WWC2: variants seen among roughly 807,000 people sequenced by gnomAD.
WWC2 encodes WW and C2 domain containing 2, also known as protein WWC2.
A neutral mutation model predicts 138.5 loss-of-function variants in WWC2; 101 were observed. The observed-to-expected ratio is 0.73, with a 90% confidence interval of 0.62 to 0.86. The LOEUF (loss-of-function observed/expected upper bound fraction) is 0.86, where lower values mean the gene tolerates loss of function less well. WWC2 is among the 40% of genes least tolerant of loss of function. The pLI, the probability that WWC2 is intolerant of heterozygous loss-of-function variation, is 0.00. For missense variants in WWC2, 1,420 were observed against 1,419.4 expected (o/e 1.00, Z -0.01); for synonymous variants, 558 against 538.4 (o/e 1.04, Z -0.50).
intron 4 of WWC2, among the ~76,000 whole-genome samples, chr4:183,228,414 C>G (rs1028332139): frequency 2.5e-4 from 38 of 151,904 alleles, no homozygotes; most frequent in African/African-American, 9.2e-4. Flanking sequence ...GGTTGACAAG[C>G]TTTATTTAAT....
At chr4:183,289,090 G>A (rs1738348117) in intron 20 of WWC2, among the ~76,000 whole-genome samples, 1 of 152,262 alleles carries the variant, frequency 6.6e-6, no homozygotes, top group Non-Finnish European at 1.5e-5. Flanking sequence ...AGGAGGTCCT[G>A]CTCCATGTTG....
intron 1 of WWC2, among the ~76,000 whole-genome samples, chr4:183,190,996 C>G (rs923941280): frequency 2.0e-5 from 3 of 152,038 alleles, no homozygotes; most frequent in African/African-American, 7.2e-5. Context: ...TTTTCTCCTT[C>G]TTCATTTCTT....
At chr4:183,145,235 A>G (rs1228153857) in intron 1 of WWC2, among the ~76,000 whole-genome samples, 3 of 152,216 alleles carry the variant, frequency 2.0e-5, no homozygotes, top group African/African-American at 7.2e-5. Context: ...CATTTGTAAC[A>G]TTTAGAATAA....
chr4:183,165,548 G>C (rs1320160275), intron 1 of WWC2, among the ~76,000 whole-genome samples: 1 of 152,094 alleles, frequency 6.6e-6, no homozygotes. Flanking sequence ...TTAAGGAATG[G>C]GTGTGGAAGG....
intron 1 of WWC2, among the ~76,000 whole-genome samples, chr4:183,104,862 G>T (rs1579939363): frequency 6.6e-6 from 1 of 152,118 alleles, no homozygotes; most frequent in Non-Finnish European, 1.5e-5. Flanking sequence ...GTGTAATTTT[G>T]TTGGAAGACT....
At position 183,269,115 on chromosome 4, in the gene WWC2, G is replaced by A. The variant is rs767581753; in HGVS notation, c.2352G>A (p.Leu784=). 3.7e-5 allele frequency: 59 copies of A among 1,613,760 alleles called. 2 individuals carry two copies. In the South Asian group the frequency reaches 6.0e-4, roughly 17 times the overall value. Residue 784 remains leucine, a synonymous_variant, in exon 15 of 23, where the codon CTG becomes CTA. Coordinates refer to ENST00000403733, the MANE Select transcript of WWC2 (RefSeq NM_024949.6). ...ISQTALQQKT[L]RVDLCSVSKH... is the part of the protein sequence containing the mutation. The stretch of plus-strand genomic sequence containing the variant: ...AAACAGCCTTACAACAGAAGACACT[G>A]AGGGTAGACCTTTGCTCTGTCAGTA...
intron 16 of WWC2, among the ~76,000 whole-genome samples, chr4:183,272,026 G>A (rs116325672): frequency 0.01 from 1,531 of 152,238 alleles, 22 homozygotes; most frequent in African/African-American, 0.035. Context: ...GGGTTAGGTT[G>A]TAGCCAGCAA....
At chr4:183,174,594 T>G (rs996877526) in intron 1 of WWC2, among the ~76,000 whole-genome samples, 1 of 152,248 alleles carries the variant, frequency 6.6e-6, no homozygotes, top group Non-Finnish European at 1.5e-5. Flanking sequence ...AGCACATATA[T>G]TAAATCTGTG....
intron 22 of WWC2, among the ~76,000 whole-genome samples, chr4:183,314,037 G>A (rs1196981814): frequency 3.3e-5 from 5 of 152,066 alleles, no homozygotes; most frequent in South Asian, 2.1e-4. Context: ...GCTAGGTCAC[G>A]TGGTGGAGCA....
At chr4:183,175,260 TTTTTTGTTTTTG>T (rs956542673) in intron 1 of WWC2, among the ~76,000 whole-genome samples, 1 of 152,120 alleles carries the variant, frequency 6.6e-6, no homozygotes, top group Non-Finnish European at 1.5e-5. Context: ...ATTTATTTAT[TTTTTTGTTTTTG>T]TTTTTGTTTT....
At chr4:183,272,642 C>T (rs556061730) in intron 16 of WWC2, among the ~76,000 whole-genome samples, 1 of 152,318 alleles carries the variant, frequency 6.6e-6, no homozygotes, top group South Asian at 2.1e-4. Flanking sequence ...ATCTCTACTA[C>T]AAGGCAACCA....
intron 1 of WWC2, among the ~76,000 whole-genome samples, chr4:183,124,536 C>CTTTTTTTTTTTTTTTTTTTTTTT (rs370409813): frequency 1.6e-5 from 2 of 122,810 alleles, no homozygotes; most frequent in African/African-American, 3.1e-5. Flanking sequence ...TCCTTTTTCT[C>CTTTTTTTTTTTTTTTTTTTTTTT]TTTTTTTTTT....
In WWC2 at chr4:183,265,888, T is replaced by C. The variant is rs1230632971; in HGVS notation, c.2144T>C (p.Phe715Ser). The change falls in exon 14 of 23, where the codon TTC becomes TCC. Residue 715 changes from phenylalanine to serine, a missense_variant. Transcript: ENST00000403733. Reference sequence around the variant, plus strand: ...AGATACAATGCAAAAAGTTCAAGTTTCATGGTGATTATAGCACAGCTCCGA... The same window carrying C: ...AGATACAATGCAAAAAGTTCAAGTTCCATGGTGATTATAGCACAGCTCCGA... The part of the protein sequence containing the change: ...GLRYNAKSSS[F>S]MVIIAQLRNL... 1.2e-6 allele frequency: 2 copies of C among 1,613,332 alleles called. No homozygotes were observed. Among genetic ancestry groups the C allele is most frequent in the Non-Finnish European group, 8.5e-7 (1 of 1,179,658 alleles).
At chr4:183,238,896 T>C (rs984689797) in intron 4 of WWC2, among the ~76,000 whole-genome samples, 6 of 152,222 alleles carry the variant, frequency 3.9e-5, no homozygotes, top group Non-Finnish European at 8.8e-5. Flanking sequence ...GTCTGTTTTG[T>C]TCACACTCAG....
At chr4:183,277,485 G>A (rs1737899929) in intron 16 of WWC2, among the ~76,000 whole-genome samples, 1 of 150,218 alleles carries the variant, frequency 6.7e-6, no homozygotes, top group African/African-American at 2.4e-5. Flanking sequence ...TAGTCCTTTG[G>A]GTATATACCC....
In WWC2 at chr4:183,320,108, G is replaced by A. The variant is rs1208018534; in HGVS notation, c.*4379G>A. 1.2e-6 allele frequency: 2 copies of A among 1,613,984 alleles called. No homozygotes were observed. Among genetic ancestry groups the A allele is most frequent in the African/African-American group, 1.3e-5 (1 of 74,892 alleles). ...AGTTTTCCATTTCATTTAAGTCCAG[G>A]TTGAGGTTCTTCCAGTGTGGCAGGT... On this transcript the variant is annotated 3_prime_UTR_variant, in exon 23 of 23. Coordinates refer to ENST00000403733, the MANE Select transcript of WWC2 (RefSeq NM_024949.6).
intron 21 of WWC2, among the ~76,000 whole-genome samples, chr4:183,299,841 C>T (rs1738768233): frequency 6.6e-6 from 1 of 152,072 alleles, no homozygotes; most frequent in African/African-American, 2.4e-5. Flanking sequence ...AAGAGCCTGC[C>T]AATTGCCATA....
At chr4:183,157,170 C>A (rs1733828999) in intron 1 of WWC2, among the ~76,000 whole-genome samples, 1 of 152,172 alleles carries the variant, frequency 6.6e-6, no homozygotes, top group Non-Finnish European at 1.5e-5. Flanking sequence ...CCCCTTTAAT[C>A]TGGATGATTT....
chr4:183,297,511 G>C (rs1225473092), intron 21 of WWC2, among the ~76,000 whole-genome samples: 7 of 151,618 alleles, frequency 4.6e-5, no homozygotes, highest in Admixed American at 4.0e-4. Flanking sequence ...GCGGGTTCAA[G>C]CAGTTCTTCT....
Sources: gnomAD v4.1 joint callset for allele counts (sites outside exome capture counted in the v4.1 genomes callset) on GRCh38, gnomAD v4.1.1 for gene constraint, MANE v1.5 for transcripts, NCBI Gene and HGNC (gene_info 2026-07-23, HGNC 2026-07-21) for gene names.